Variants in KIF6 observed in about 807,000 individuals in gnomAD.
The protein encoded by KIF6 is kinesin-like protein KIF6.
Under a neutral mutation model 112.7 loss-of-function variants are expected in KIF6, and 106 were observed. The observed-to-expected ratio is 0.94, with a 90% confidence interval of 0.80 to 1.11. The LOEUF (loss-of-function observed/expected upper bound fraction) is 1.11, where lower values mean the gene tolerates loss of function less well. Ranked by LOEUF, KIF6 falls within the 50% of genes least tolerant of loss-of-function variation. The pLI is 0.00. For missense variants in KIF6, 929 were observed against 964.0 expected (o/e 0.96, Z 0.48); for synonymous variants, 339 against 339.9 (o/e 1.00, Z 0.03).
intron 10 of KIF6, among the ~76,000 whole-genome samples, chr6:39,567,473 G>C (rs1780355339): frequency 6.6e-6 from 1 of 152,196 alleles, no homozygotes; most frequent in Non-Finnish European, 1.5e-5. Context: ...CCTGATCTTA[G>C]TGACTAAACA....
intron 13 of KIF6, among the ~76,000 whole-genome samples, chr6:39,477,253 C>T (rs1046038093): frequency 6.6e-6 from 1 of 152,096 alleles, no homozygotes; most frequent in African/African-American, 2.4e-5. Flanking sequence ...CAGGTATTGT[C>T]GGTGGGTATG....
intron 1 of KIF6, among the ~76,000 whole-genome samples, chr6:39,724,452 CAAAAAAA>C (rs33912709): frequency 1.1e-5 from 1 of 90,540 alleles, no homozygotes; most frequent in Non-Finnish European, 2.2e-5. Context: ...GACTCCGTCT[CAAAAAAA>C]AAAAAAAAAA....
chr6:39,400,532 C>G (rs1464518841), intron 15 of KIF6, among the ~76,000 whole-genome samples: 3 of 152,176 alleles, frequency 2.0e-5, no homozygotes, highest in Non-Finnish European at 4.4e-5. Flanking sequence ...ATTGGGAGGC[C>G]AGAGAGGTGG....
intron 3 of KIF6, among the ~76,000 whole-genome samples, chr6:39,640,226 C>T (rs1320031026): frequency 6.6e-6 from 1 of 152,082 alleles, no homozygotes; most frequent in Non-Finnish European, 1.5e-5. Flanking sequence ...TAAGCACCAA[C>T]TGAAAATCCT....
chr6:39,651,935 G>A (rs1032275594), intron 3 of KIF6, among the ~76,000 whole-genome samples: 3 of 152,078 alleles, frequency 2.0e-5, no homozygotes, highest in Non-Finnish European at 4.4e-5. Flanking sequence ...AGAAAAGACT[G>A]TTCAGCTAAG....
At chr6:39,525,816 A>G (rs879335993) in intron 13 of KIF6, among the ~76,000 whole-genome samples, 1,586 of 112,868 alleles carry the variant, frequency 0.014, 17 homozygotes, top group Non-Finnish European at 0.025. Context: ...TAGATAAATA[A>G]ATAAATAAAT....
chr6:39,467,602 C>T (rs1052464375), intron 13 of KIF6, among the ~76,000 whole-genome samples: 4 of 152,198 alleles, frequency 2.6e-5, no homozygotes, highest in Non-Finnish European at 4.4e-5. Flanking sequence ...TAGGCTAACG[C>T]TAAGGGAAAT....
Position 39,640,299 on chromosome 6 carries a change from A to G in KIF6, c.252-542T>C, listed in dbSNP as rs182963044. On this transcript the variant is annotated intron_variant, in intron 3 of 22. Transcript: ENST00000287152. ...TTTGGTAGAAGATGCTAGTCCATAT[A>G]TATTCTTCAGCCCTGCAGAGCGGCC... is the stretch of plus-strand genomic sequence containing the variant. 4.9e-3 allele frequency among the ~76,000 whole-genome samples: 740 copies of G among 152,168 alleles called. 4 individuals are homozygous for G. The highest frequency in any genetic ancestry group is 7.5e-3 in the Admixed American group (115 of 15,252).
intron 5 of KIF6, among the ~76,000 whole-genome samples, chr6:39,620,160 C>T (rs1783737634): frequency 1.3e-5 from 2 of 152,212 alleles, no homozygotes; most frequent in Admixed American, 1.3e-4. Flanking sequence ...CATGTTCCTT[C>T]TGATGCTCCA....
chr6:39,709,535 T>TG (rs1789412300), intron 3 of KIF6, among the ~76,000 whole-genome samples: 2 of 152,318 alleles, frequency 1.3e-5, no homozygotes, highest in Admixed American at 1.3e-4. Context: ...GGCCACAGAC[T>TG]GGTACCGGTG....
intron 6 of KIF6, among the ~76,000 whole-genome samples, chr6:39,609,038 A>C (rs1783048682): frequency 6.6e-6 from 1 of 152,204 alleles, no homozygotes; most frequent in South Asian, 2.1e-4. Flanking sequence ...CCCATTTTAC[A>C]GGTTAGAAAG....
intron 10 of KIF6, among the ~76,000 whole-genome samples, chr6:39,558,594 C>G (rs1442675599): frequency 1.3e-5 from 2 of 152,058 alleles, no homozygotes; most frequent in African/African-American, 2.4e-5. Context: ...TCCTGGAGCT[C>G]ACAAAACCCA....
chr6:39,425,793 CAAA>C (rs549490182), intron 14 of KIF6, among the ~76,000 whole-genome samples: 2 of 62,906 alleles, frequency 3.2e-5, no homozygotes, highest in Admixed American at 1.9e-4. Context: ...GATGTAAATA[CAAA>C]AAAAAAAAAA....
At chr6:39,573,768 G>GT (rs1474718932) in intron 10 of KIF6, among the ~76,000 whole-genome samples, 1 of 152,106 alleles carries the variant, frequency 6.6e-6, no homozygotes, top group African/African-American at 2.4e-5. Flanking sequence ...CATTCTCGTT[G>GT]TATTTTGTTT....
At chr6:39,467,529 C>T (rs913109070) in intron 13 of KIF6, among the ~76,000 whole-genome samples, 1 of 151,520 alleles carries the variant, frequency 6.6e-6, no homozygotes, top group African/African-American at 2.4e-5. Flanking sequence ...CCTGCTAAAA[C>T]CATTGTCATC....
At chr6:39,439,291 G>A (rs1771763485) in intron 13 of KIF6, among the ~76,000 whole-genome samples, 1 of 152,146 alleles carries the variant, frequency 6.6e-6, no homozygotes, top group Non-Finnish European at 1.5e-5. Context: ...CCTCAACAGA[G>A]CTGAGGACCT....
intron 3 of KIF6, among the ~76,000 whole-genome samples, chr6:39,658,698 T>C (rs1343970597): frequency 6.6e-6 from 1 of 152,154 alleles, no homozygotes; most frequent in Non-Finnish European, 1.5e-5. Flanking sequence ...AGTCATACAT[T>C]AAATAATTTC....
intron 13 of KIF6, among the ~76,000 whole-genome samples, chr6:39,443,109 A>G (rs1772033504): frequency 7.4e-6 from 1 of 134,602 alleles, no homozygotes; most frequent in Admixed American, 8.0e-5. Context: ...GTGAGACTGC[A>G]TCTCAAATAA....
rs74333403 is a variant in KIF6 at position 39,632,286 on chromosome 6, T to A, written c.509+2563A>T. ...CGGTAAGGAAGCTGTTACTGATGGCTATTATTGTGCAGCACCAACATGACC... is the reference window on the plus strand; with the variant it reads ...CGGTAAGGAAGCTGTTACTGATGGCAATTATTGTGCAGCACCAACATGACC... On this transcript the variant is annotated intron_variant, in intron 5 of 22. Coordinates refer to ENST00000287152, the MANE Select transcript of KIF6 (RefSeq NM_145027.6). Among the ~76,000 whole-genome samples the A allele has an allele frequency of 7.6e-3, 1,163 of 152,264 alleles. 18 individuals are homozygous for A. Among genetic ancestry groups the A allele is most frequent in the African/African-American group, 0.027 (1,108 of 41,558 alleles).
Sources: gnomAD v4.1 joint callset for allele counts (sites outside exome capture counted in the v4.1 genomes callset) on GRCh38, gnomAD v4.1.1 for gene constraint, MANE v1.5 for transcripts, NCBI Gene and HGNC (gene_info 2026-07-23, HGNC 2026-07-21) for gene names.